Variants in CSMD3 observed in about 807,000 individuals in gnomAD.
The protein encoded by CSMD3 is CUB and Sushi multiple domains 3.
In CSMD3, 177 loss-of-function variants were observed where a neutral mutation model predicts 435.2. The observed-to-expected ratio is 0.41, with a 90% CI of 0.36 to 0.46. CSMD3 has a LOEUF of 0.46. Among genes scored for constraint, CSMD3 ranks in the 20% least tolerant of loss-of-function variants. CSMD3 has a pLI of 0.34. For missense variants in CSMD3, 4,265 were observed against 4,504.6 expected (o/e 0.95, Z 1.52); for synonymous variants, 1,656 against 1,520.5 (o/e 1.09, Z -2.07).
intron 1 of CSMD3, among the ~76,000 whole-genome samples, chr8:113,338,097 C>A (rs2094090570): frequency 6.6e-6 from 1 of 151,546 alleles, no homozygotes; most frequent in Admixed American, 6.6e-5. Context: ...ATAAAAAGAA[C>A]AACAAAATGA....
chr8:112,347,346 T>G (rs1401013346), intron 40 of CSMD3, among the ~76,000 whole-genome samples: 1 of 152,174 alleles, frequency 6.6e-6, no homozygotes, highest in African/African-American at 2.4e-5. Flanking sequence ...ATTTCATGAC[T>G]ACAAATGAAG....
At chr8:113,340,476 C>T (rs1275126839) in intron 1 of CSMD3, among the ~76,000 whole-genome samples, 2 of 152,046 alleles carry the variant, frequency 1.3e-5, no homozygotes, top group East Asian at 3.9e-4. Flanking sequence ...TTATATTGTG[C>T]CTGAAAAATT....
At chr8:112,518,019 T>C (rs1823860754) in intron 27 of CSMD3, among the ~76,000 whole-genome samples, 1 of 152,172 alleles carries the variant, frequency 6.6e-6, no homozygotes, top group Non-Finnish European at 1.5e-5. Flanking sequence ...AACCCAAATG[T>C]CATTCAACAG....
In CSMD3 at chr8:113,170,363, T is replaced by G; in HGVS notation, c.709+3359A>C. Among the ~76,000 whole-genome samples the G allele has an allele frequency of 1.3e-5, 2 of 152,172 alleles. 1 individual carries two copies. The highest frequency in any genetic ancestry group is 2.9e-5 in the Non-Finnish European group (2 of 68,020). ...GATCATGTGCTCTATGAAGTATGACTTAGACTCTACCTTTAGCCAGTGAAT... is the reference window on the plus strand; with the variant it reads ...GATCATGTGCTCTATGAAGTATGACGTAGACTCTACCTTTAGCCAGTGAAT... On this transcript the variant is annotated intron_variant, in intron 4 of 70. Transcript: ENST00000297405.
At chr8:112,469,672 T>C (rs944860450) in intron 32 of CSMD3, among the ~76,000 whole-genome samples, 1 of 152,126 alleles carries the variant, frequency 6.6e-6, no homozygotes, top group South Asian at 2.1e-4. Context: ...CCACAGCTTA[T>C]CTGACAGGAG....
At chr8:112,678,837 T>C (rs138562317) in intron 16 of CSMD3, among the ~76,000 whole-genome samples, 41 of 152,218 alleles carry the variant, frequency 2.7e-4, no homozygotes, top group African/African-American at 9.4e-4. Flanking sequence ...AAATGTTTAA[T>C]ATGAAGATAA....
intron 30 of CSMD3, among the ~76,000 whole-genome samples, chr8:112,493,200 T>A (rs2130857839): frequency 6.6e-6 from 1 of 152,270 alleles, no homozygotes; most frequent in African/African-American, 2.4e-5. Context: ...CTAAAGATCT[T>A]CATAGATCTT....
chr8:112,751,628 G>GGTT (rs1375084816), intron 13 of CSMD3, among the ~76,000 whole-genome samples: 10 of 133,690 alleles, frequency 7.5e-5, no homozygotes, highest in East Asian at 2.2e-4. Flanking sequence ...AGAAGTTTAG[G>GGTT]TTTTTTTTTT....
intron 61 of CSMD3, among the ~76,000 whole-genome samples, chr8:112,256,747 C>G (rs1196465044): frequency 6.6e-6 from 1 of 152,110 alleles, no homozygotes; most frequent in African/African-American, 2.4e-5. Context: ...TCAGATTAAG[C>G]ACCTGAAAGC....
chr8:112,637,701 C>G (rs1371141293), intron 21 of CSMD3, among the ~76,000 whole-genome samples: 3 of 151,826 alleles, frequency 2.0e-5, no homozygotes, highest in Admixed American at 2.0e-4. Flanking sequence ...AAAAATATTC[C>G]CAGAGCAGTT....
At chr8:112,634,748 A>G (rs4268152) in intron 22 of CSMD3, among the ~76,000 whole-genome samples, 71,966 of 151,604 alleles carry the variant, frequency 0.47, 17,550 homozygotes, top group African/African-American at 0.54. Context: ...ACATGTAAAC[A>G]CTTTTTTTTT....
chr8:113,202,858 C>T (rs746018436), intron 3 of CSMD3, among the ~76,000 whole-genome samples: 9 of 152,212 alleles, frequency 5.9e-5, no homozygotes, highest in East Asian at 1.9e-4. Context: ...GAAAGGAGAA[C>T]GTACACTTGA....
At chr8:113,291,124 C>T (rs1756744480) in intron 2 of CSMD3, among the ~76,000 whole-genome samples, 1 of 151,158 alleles carries the variant, frequency 6.6e-6, no homozygotes. Context: ...TGAGAAATGC[C>T]AATTTAATTA....
chr8:112,337,537 G>T lies in CSMD3; in HGVS notation c.6841+6C>A. 1 of 1,610,356 alleles carries T rather than the reference G, an allele frequency of 6.2e-7. No individual in the cohort carries two copies. The highest frequency in any genetic ancestry group is 8.5e-7 in the Non-Finnish European group (1 of 1,176,608). On this transcript the variant is annotated splice_donor_region_variant and intron_variant, in intron 43 of 70. Transcript: ENST00000297405. ...CCTAAAAGATAGCTTCAAGTTAGAA[G>T]CATACCTTCACACCTTGGAAGTGGA...
intron 3 of CSMD3, 124 bp downstream of exon 3, chr8:113,278,468 A>G: frequency 1.5e-6 from 1 of 658,626 alleles, no homozygotes; most frequent in Non-Finnish European, 2.8e-6. Context: ...ATAACAAGAT[A>G]AATTTCAGGA....
chr8:112,808,389 T>C (rs1461151747), intron 12 of CSMD3, among the ~76,000 whole-genome samples: 1 of 152,086 alleles, frequency 6.6e-6, no homozygotes, highest in Admixed American at 6.6e-5. Context: ...GCCTCTCCCT[T>C]AGCTGAGAGA....
intron 1 of CSMD3, among the ~76,000 whole-genome samples, chr8:113,383,821 T>C (rs2094427877): frequency 6.6e-6 from 1 of 152,120 alleles, no homozygotes; most frequent in Admixed American, 6.6e-5. Context: ...TCTGTATCCT[T>C]TTTATTCCAA....
chr8:112,988,714 C>T (rs1163722058), intron 6 of CSMD3, among the ~76,000 whole-genome samples: 2 of 152,004 alleles, frequency 1.3e-5, no homozygotes, highest in East Asian at 1.9e-4. Context: ...CCCAGTCACA[C>T]ATCAATTTAA....
chr8:112,375,572 A>G (rs1828865010), intron 38 of CSMD3, among the ~76,000 whole-genome samples: 1 of 152,062 alleles, frequency 6.6e-6, no homozygotes, highest in South Asian at 2.1e-4. Context: ...ATATAGCTCA[A>G]TTTTTCTCAT....
Sources: gnomAD v4.1 joint callset for allele counts (sites outside exome capture counted in the v4.1 genomes callset) on GRCh38, gnomAD v4.1.1 for gene constraint, MANE v1.5 for transcripts, NCBI Gene and HGNC (gene_info 2026-07-23, HGNC 2026-07-21) for gene names.